POU6F2: variants seen among roughly 807,000 people sequenced by gnomAD.
POU6F2 encodes POU domain, class 6, transcription factor 2.
In POU6F2, 31 loss-of-function variants were observed where a neutral mutation model predicts 71.3. The ratio of observed to expected loss-of-function variants is 0.43; its 90% confidence interval spans 0.33 to 0.59. The LOEUF is 0.59. Among genes scored for constraint, POU6F2 ranks in the 20% least tolerant of loss-of-function variants. The probability of loss-of-function intolerance (pLI) is 0.04; values close to 1 mark genes in which losing one functional copy is unlikely to be tolerated. For missense variants in POU6F2, 783 were observed against 856.8 expected (o/e 0.91, Z 1.07); for synonymous variants, 347 against 355.7 (o/e 0.98, Z 0.27).
At chr7:39,278,145 A>T (rs1383530132) in intron 4 of POU6F2, among the ~76,000 whole-genome samples, 2 of 150,768 alleles carry the variant, frequency 1.3e-5, no homozygotes, top group Non-Finnish European at 1.5e-5. Flanking sequence ...ATGGTGGGGG[A>T]CGTAGATGAG....
intron 4 of POU6F2, among the ~76,000 whole-genome samples, chr7:39,221,344 C>T (rs573083231): frequency 1.1e-4 from 17 of 150,120 alleles, no homozygotes; most frequent in East Asian, 5.9e-4. Flanking sequence ...CAGTTTTATG[C>T]GCAATTTCCA....
intron 1 of POU6F2, among the ~76,000 whole-genome samples, chr7:38,987,230 A>G (rs976373631): frequency 6.6e-6 from 1 of 152,166 alleles, no homozygotes; most frequent in Admixed American, 6.5e-5. Context: ...CAAACCAATT[A>G]AAATAGCAAT....
At chr7:39,214,066 C>T (rs1321866023) in intron 4 of POU6F2, among the ~76,000 whole-genome samples, 1 of 152,228 alleles carries the variant, frequency 6.6e-6, no homozygotes, top group Non-Finnish European at 1.5e-5. Context: ...TGCAGTCCCT[C>T]AGAAAAGGGA....
At chr7:39,015,714 A>G (rs1464716270) in intron 1 of POU6F2, among the ~76,000 whole-genome samples, 1 of 48,730 alleles carries the variant, frequency 2.1e-5, no homozygotes, top group African/African-American at 6.6e-5. Context: ...TATCTATGTT[A>G]TATAGAGATA....
chr7:39,096,495 T>TC (rs1466571425), intron 2 of POU6F2, among the ~76,000 whole-genome samples: 2 of 152,190 alleles, frequency 1.3e-5, no homozygotes, highest in East Asian at 3.8e-4. Flanking sequence ...ATGTGATGCT[T>TC]CTATCATCTT....
intron 7 of POU6F2, among the ~76,000 whole-genome samples, chr7:39,450,517 T>C (rs1788633239): frequency 6.6e-6 from 1 of 152,110 alleles, no homozygotes; most frequent in South Asian, 2.1e-4. Flanking sequence ...CAAGTAGACC[T>C]AGAACCTGCA....
chr7:39,017,658 T>G (rs946158080), intron 1 of POU6F2, among the ~76,000 whole-genome samples: 1 of 152,102 alleles, frequency 6.6e-6, no homozygotes, highest in African/African-American at 2.4e-5. Context: ...CACCCTGGGG[T>G]AGCCATACCG....
chr7:39,323,971 G>C (rs1319472427), intron 4 of POU6F2, among the ~76,000 whole-genome samples: 1 of 152,008 alleles, frequency 6.6e-6, no homozygotes, highest in Non-Finnish European at 1.5e-5. Flanking sequence ...AGCCAGGCCT[G>C]GTCGTGGGTG....
At chr7:39,110,563 T>G (rs921921272) in intron 2 of POU6F2, among the ~76,000 whole-genome samples, 1 of 152,122 alleles carries the variant, frequency 6.6e-6, no homozygotes, top group South Asian at 2.1e-4. Flanking sequence ...AATGCCTTAT[T>G]TATTGTTTGG....
At chr7:39,027,631 G>A (rs1387972273) in intron 1 of POU6F2, among the ~76,000 whole-genome samples, 1 of 152,068 alleles carries the variant, frequency 6.6e-6, no homozygotes, top group East Asian at 1.9e-4. Flanking sequence ...GAAATATTTT[G>A]GCATGTGGGA....
At chr7:39,321,012 C>T (rs1785379206) in intron 4 of POU6F2, among the ~76,000 whole-genome samples, 2 of 152,298 alleles carry the variant, frequency 1.3e-5, no homozygotes, top group South Asian at 4.1e-4. Context: ...GCCATGATCA[C>T]ACCACTGCAC....
rs139840732 is a variant in POU6F2 at position 39,193,418 on chromosome 7, C to T, written c.278-10817C>T. ...TGCAGAGGAAAATATCTGAAAAATGCAATTTGTATCATGATATTGGTGATT... is the reference window on the plus strand; with the variant it reads ...TGCAGAGGAAAATATCTGAAAAATGTAATTTGTATCATGATATTGGTGATT... On this transcript the variant is annotated intron_variant, in intron 2 of 9. Coordinates refer to ENST00000518318, the MANE Select transcript of POU6F2 (RefSeq NM_001370959.1). Among the ~76,000 whole-genome samples, 965 of 152,230 alleles carry T rather than the reference C, an allele frequency of 6.3e-3. 3 individuals carry two copies. Among genetic ancestry groups the T allele is most frequent in the Non-Finnish European group, 9.9e-3 (676 of 68,018 alleles).
At chr7:39,033,434 G>A (rs1394045130) in intron 1 of POU6F2, among the ~76,000 whole-genome samples, 2 of 152,172 alleles carry the variant, frequency 1.3e-5, no homozygotes, top group Non-Finnish European at 2.9e-5. Context: ...GTGCATTGCC[G>A]AATGATCTGA....
intron 4 of POU6F2, among the ~76,000 whole-genome samples, chr7:39,303,245 T>C (rs2128765165): frequency 6.6e-6 from 1 of 152,308 alleles, no homozygotes; most frequent in East Asian, 1.9e-4. Flanking sequence ...CCTCCCGGGC[T>C]CGTGCCATTC....
At chr7:39,323,079 T>C (rs1330611795) in intron 4 of POU6F2, among the ~76,000 whole-genome samples, 1 of 151,502 alleles carries the variant, frequency 6.6e-6, no homozygotes, top group Non-Finnish European at 1.5e-5. Flanking sequence ...ATCTGCTATA[T>C]GCAGGTTGCT....
chr7:39,383,208 C>T (rs759245353), intron 5 of POU6F2, among the ~76,000 whole-genome samples: 4 of 152,042 alleles, frequency 2.6e-5, no homozygotes, highest in African/African-American at 4.8e-5. Context: ...GTGTAACAAA[C>T]GTAATACATG....
intron 1 of POU6F2, among the ~76,000 whole-genome samples, chr7:39,077,229 A>G (rs1480909580): frequency 1.3e-5 from 2 of 152,210 alleles, no homozygotes; most frequent in African/African-American, 4.8e-5. Context: ...TGATGGTGCT[A>G]TTAGGTTGTC....
intron 7 of POU6F2, among the ~76,000 whole-genome samples, chr7:39,436,552 AT>A (rs58016281): frequency 0.34 from 51,008 of 151,718 alleles, 9,573 homozygotes; most frequent in East Asian, 0.58. Context: ...TAAATATAAA[AT>A]CATGTCGTCT....
chr7:39,039,390 C>T (rs998516018), intron 1 of POU6F2, among the ~76,000 whole-genome samples: 2 of 151,906 alleles, frequency 1.3e-5, no homozygotes, highest in African/African-American at 4.8e-5. Flanking sequence ...TTTTTGTCAT[C>T]TACATCCTCA....
Sources: gnomAD v4.1 joint callset for allele counts (sites outside exome capture counted in the v4.1 genomes callset) on GRCh38, gnomAD v4.1.1 for gene constraint, MANE v1.5 for transcripts, NCBI Gene and HGNC (gene_info 2026-07-23, HGNC 2026-07-21) for gene names.